The following CAMKMT variants were observed in gnomAD, a reference collection of about 807,000 sequenced individuals.
CAMKMT encodes CaM KMT.
CAMKMT carries 53 observed loss-of-function variants against 48.0 expected under a neutral mutation model. The ratio of observed to expected loss-of-function variants is 1.10; its 90% CI spans 0.89 to 1.39. CAMKMT has a LOEUF of 1.39. Ranked by LOEUF, CAMKMT falls within the 40% of genes most tolerant of loss-of-function variation. CAMKMT has a pLI of 0.00. For synonymous variants in CAMKMT, 165 were observed against 152.3 expected, an observed-to-expected ratio of 1.08 and a Z score of -0.61; for missense variants, 428 against 402.7, an observed-to-expected ratio of 1.06 and a Z score of -0.54.
chr2:44,543,351 C>A (rs930305245), intron 3 of CAMKMT, among the ~76,000 whole-genome samples: 1 of 152,146 alleles, frequency 6.6e-6, no homozygotes, highest in Non-Finnish European at 1.5e-5. Context: ...AAAGACATTT[C>A]CCTGTATTAA....
At chr2:44,610,010 G>A (rs1232420162) in intron 3 of CAMKMT, among the ~76,000 whole-genome samples, 3 of 152,106 alleles carry the variant, frequency 2.0e-5, no homozygotes, top group African/African-American at 7.2e-5. Context: ...TTAGCCTAAG[G>A]CATTGACTGT....
In CAMKMT at chr2:44,763,811, T is replaced by C. The variant is rs1680718992; in HGVS notation, c.763-2619T>C. Among the ~76,000 whole-genome samples, 5 of 152,208 alleles carry C rather than the reference T, an allele frequency of 3.3e-5. No homozygotes were observed. In the South Asian group the frequency reaches 1.0e-3, roughly 31 times the overall value. On this transcript the variant is annotated intron_variant, in intron 9 of 10. Transcript: ENST00000378494. ...CCAGGGCATGTGGAGATGCATTGCT[T>C]TGTCAATGCAAGGATCAGCCCAACC...
intron 3 of CAMKMT, among the ~76,000 whole-genome samples, chr2:44,611,144 A>T (rs1302919931): frequency 6.6e-6 from 1 of 152,048 alleles, no homozygotes; most frequent in African/African-American, 2.4e-5. Flanking sequence ...AAGAGTATCT[A>T]CTCAGGGCTG....
intron 3 of CAMKMT, among the ~76,000 whole-genome samples, chr2:44,565,755 C>T (rs1208389780): frequency 6.6e-6 from 1 of 151,338 alleles, no homozygotes; most frequent in Non-Finnish European, 1.5e-5. Flanking sequence ...GAGCCAAAAC[C>T]ACTGTTTTAA....
chr2:44,486,539 A>G (rs1050973911), intron 3 of CAMKMT, among the ~76,000 whole-genome samples: 1 of 152,200 alleles, frequency 6.6e-6, no homozygotes, highest in Non-Finnish European at 1.5e-5. Context: ...ACAAACTCAT[A>G]GTGTGTACTG....
intron 7 of CAMKMT, chr2:44,723,607 C>CATAAATAAATAA (rs142919891): frequency 2.2e-5 from 3 of 134,236 alleles, no homozygotes; most frequent in East Asian, 2.2e-4. Context: ...TAAATACATA[C>CATAAATAAATAA]ATAAATAAAT....
intron 3 of CAMKMT, among the ~76,000 whole-genome samples, chr2:44,669,204 C>A (rs1287917645): frequency 2.0e-5 from 3 of 152,032 alleles, no homozygotes; most frequent in Non-Finnish European, 4.4e-5. Context: ...ATTATATATT[C>A]TTCTGTGAAT....
At chr2:44,631,740 CTA>C (rs1672847550) in intron 3 of CAMKMT, 1 of 378,982 alleles carries the variant, frequency 2.6e-6, no homozygotes, top group Admixed American at 4.5e-5. Context: ...TACTATCTTG[CTA>C]TTTGTTTTCT....
rs188897513 is a variant in CAMKMT, at chr2:44,433,813, T to A, written c.376+43508T>A. On this transcript the variant is annotated intron_variant, in intron 3 of 10. Transcript: ENST00000378494. Reference sequence around the variant, plus strand: ...TATCAATGTTTATTCAAAGTATTATTTTTCCTCAATTTAAGAGAAATCTTT... The same window carrying A: ...TATCAATGTTTATTCAAAGTATTATATTTCCTCAATTTAAGAGAAATCTTT... 3.1e-3 allele frequency among the ~76,000 whole-genome samples: 472 copies of A among 152,300 alleles called. 2 individuals are homozygous for A. Among genetic ancestry groups the A allele is most frequent in the African/African-American group, 0.011 (456 of 41,550 alleles).
intron 2 of CAMKMT, among the ~76,000 whole-genome samples, chr2:44,385,254 G>T (rs376516783): frequency 6.6e-6 from 1 of 152,018 alleles, no homozygotes; most frequent in Non-Finnish European, 1.5e-5. Context: ...TTGCAAAAAG[G>T]GTTGAGTTCT....
chr2:44,450,416 T>C (rs1572901780), intron 3 of CAMKMT, among the ~76,000 whole-genome samples: 1 of 152,252 alleles, frequency 6.6e-6, no homozygotes, highest in East Asian at 1.9e-4. Context: ...TTATTTTCAG[T>C]CATTGAGTTT....
intron 3 of CAMKMT, among the ~76,000 whole-genome samples, chr2:44,465,330 G>A (rs1026326370): frequency 4.6e-5 from 7 of 152,262 alleles, no homozygotes; most frequent in African/African-American, 1.7e-4. Context: ...GGACGCAGTA[G>A]ATCACTCCTG....
chr2:44,732,198 C>A (rs1239621637), intron 7 of CAMKMT, among the ~76,000 whole-genome samples: 1 of 152,202 alleles, frequency 6.6e-6, no homozygotes, highest in Non-Finnish European at 1.5e-5. Flanking sequence ...AAGCAATCCT[C>A]CCACCTTGGC....
intron 3 of CAMKMT, among the ~76,000 whole-genome samples, chr2:44,641,728 T>A (rs1187953636): frequency 6.6e-6 from 1 of 152,030 alleles, no homozygotes; most frequent in Non-Finnish European, 1.5e-5. Flanking sequence ...AAAATAACTT[T>A]TGTATTTTTT....
intron 3 of CAMKMT, among the ~76,000 whole-genome samples, chr2:44,692,085 G>A (rs1327198407): frequency 6.6e-6 from 1 of 152,054 alleles, no homozygotes; most frequent in East Asian, 1.9e-4. Flanking sequence ...CAAAGCTCCC[G>A]TAACAAGGGC....
intron 3 of CAMKMT, among the ~76,000 whole-genome samples, chr2:44,486,333 A>C (rs1392874186): frequency 1.3e-5 from 2 of 152,140 alleles, no homozygotes; most frequent in African/African-American, 2.4e-5. Flanking sequence ...CTGTATGTAC[A>C]TTGTACTTCA....
chr2:44,597,799 C>T (rs574616917), intron 3 of CAMKMT, among the ~76,000 whole-genome samples: 14 of 152,126 alleles, frequency 9.2e-5, no homozygotes, highest in Non-Finnish European at 1.8e-4. Flanking sequence ...TGCAGTGGTG[C>T]GATCTCAGCT....
intron 3 of CAMKMT, among the ~76,000 whole-genome samples, chr2:44,500,686 C>A (rs979324859): frequency 7.2e-6 from 1 of 138,314 alleles, no homozygotes. Context: ...TTCTCAGATA[C>A]TTTTTTTTTT....
chr2:44,538,589 A>G (rs184929738), intron 3 of CAMKMT, among the ~76,000 whole-genome samples: 1 of 152,102 alleles, frequency 6.6e-6, no homozygotes, highest in Non-Finnish European at 1.5e-5. Flanking sequence ...GCAAAGATAC[A>G]GAGTGATATA....
Sources: allele counts gnomAD v4.1 joint callset (sites outside exome capture counted in the v4.1 genomes callset), GRCh38; gene constraint gnomAD v4.1.1; transcripts MANE v1.5; gene names NCBI Gene and HGNC (gene_info 2026-07-23, HGNC 2026-07-21).